Variants in KCNMA1 observed in about 807,000 individuals in gnomAD.
KCNMA1 encodes potassium calcium-activated channel subfamily M alpha 1.
KCNMA1 carries 29 observed loss-of-function variants against 140.0 expected under a neutral mutation model. That is an observed-to-expected ratio of 0.21 (90% confidence interval 0.15 to 0.28). The LOEUF is 0.28. KCNMA1 is among the 10% of genes least tolerant of loss of function. The pLI, the probability that KCNMA1 is intolerant of heterozygous loss-of-function variation, is 1.00. For missense variants in KCNMA1, 880 were observed against 1,602.2 expected (o/e 0.55, Z 7.70); for synonymous variants, 612 against 611.9 (o/e 1.00, Z 0.00).
chr10:77,560,940 G>C (rs1430027412), intron 1 of KCNMA1, among the ~76,000 whole-genome samples: 2 of 152,202 alleles, frequency 1.3e-5, no homozygotes, highest in Admixed American at 6.5e-5. Flanking sequence ...CTTTAGGCAG[G>C]CTTCCTGTCT....
chr10:76,946,244 T>A (rs1192416876), intron 22 of KCNMA1, among the ~76,000 whole-genome samples: 1 of 152,040 alleles, frequency 6.6e-6, no homozygotes, highest in Non-Finnish European at 1.5e-5. Flanking sequence ...ATGCCATAGC[T>A]CCCCAGTGGC....
chr10:77,556,544 T>C (rs1421484488), intron 1 of KCNMA1, among the ~76,000 whole-genome samples: 1 of 146,532 alleles, frequency 6.8e-6, no homozygotes, highest in African/African-American at 2.5e-5. Flanking sequence ...CTATGCCCTG[T>C]AAAGTGCAGT....
chr10:76,928,303 ACACACACG>A (rs1369516754), intron 23 of KCNMA1, among the ~76,000 whole-genome samples: 8 of 75,110 alleles, frequency 1.1e-4, no homozygotes, highest in Non-Finnish European at 2.2e-4. Context: ...ACACACACAC[ACACACACG>A]CACATACACA....
intron 1 of KCNMA1, among the ~76,000 whole-genome samples, chr10:77,519,968 T>A (rs1311760445): frequency 1.3e-5 from 2 of 149,590 alleles, no homozygotes; most frequent in African/African-American, 4.9e-5. Context: ...GTCTGGGGTA[T>A]GCAGTGTGAG....
At chr10:77,393,840 C>A (rs1033847395) in intron 2 of KCNMA1, among the ~76,000 whole-genome samples, 1 of 152,236 alleles carries the variant, frequency 6.6e-6, no homozygotes, top group Admixed American at 6.5e-5. Context: ...CAGGGTTTCT[C>A]ACTCCCAGGC....
intron 1 of KCNMA1, among the ~76,000 whole-genome samples, chr10:77,458,798 G>A (rs1390992056): frequency 6.6e-6 from 1 of 152,158 alleles, no homozygotes; most frequent in Non-Finnish European, 1.5e-5. Flanking sequence ...AACATGGAAG[G>A]CACCAGCCAC....
intron 2 of KCNMA1, among the ~76,000 whole-genome samples, chr10:77,347,819 A>G (rs1566139965): frequency 6.6e-6 from 1 of 152,248 alleles, no homozygotes; most frequent in African/African-American, 2.4e-5. Context: ...AATAATAGCT[A>G]CCATATATAG....
At chr10:77,461,504 C>T (rs2097866026) in intron 1 of KCNMA1, among the ~76,000 whole-genome samples, 1 of 152,174 alleles carries the variant, frequency 6.6e-6, no homozygotes, top group Non-Finnish European at 1.5e-5. Flanking sequence ...ATGGATGTGT[C>T]TTGATTCATG....
chr10:77,634,647 G>A (rs1037329303), intron 1 of KCNMA1: 3 of 985,174 alleles, frequency 3.0e-6, no homozygotes, highest in Non-Finnish European at 3.6e-6. Flanking sequence ...AGAATTTTCT[G>A]GAAAGGCAGC....
intron 19 of KCNMA1, among the ~76,000 whole-genome samples, chr10:76,994,908 A>C (rs2083762282): frequency 6.6e-6 from 1 of 152,212 alleles, no homozygotes; most frequent in Non-Finnish European, 1.5e-5. Flanking sequence ...GGCATGATGG[A>C]AACCACAGGT....
At chr10:77,529,562 A>G (rs1044061995) in intron 1 of KCNMA1, among the ~76,000 whole-genome samples, 8 of 152,008 alleles carry the variant, frequency 5.3e-5, no homozygotes, top group African/African-American at 1.9e-4. Flanking sequence ...TTACTCTTAT[A>G]CCCTTAGAGC....
chr10:76,944,813 C>G lies in KCNMA1; in HGVS notation c.2862G>C (p.Gln954His). The G allele has an allele frequency of 6.2e-7, 1 of 1,614,152 alleles. No homozygotes were observed. The highest frequency in any genetic ancestry group is 8.5e-7 in the Non-Finnish European group (1 of 1,179,992). The change falls in exon 23 of 28, where the codon CAG becomes CAC. Residue 954 changes from glutamine (Q) to histidine (H), a missense_variant. By Grantham distance (24) the Gln-to-His change is conservative. Coordinates refer to ENST00000286628, the MANE Select transcript of KCNMA1 (RefSeq NM_001161352.2). ...ILASLNIKSM[Q>H]FDDSIGVLQA... is the part of the protein sequence containing the mutation. ...GCAAGACTCCGATGCTGTCATCAAA[C>G]TGCATAGATTTGATGTTGAGTGACG...
At chr10:77,099,898 C>A (rs1222532986) in intron 9 of KCNMA1, among the ~76,000 whole-genome samples, 1 of 152,086 alleles carries the variant, frequency 6.6e-6, no homozygotes, top group Non-Finnish European at 1.5e-5. Context: ...TTTAGGTGAA[C>A]AAGGCAATCT....
intron 2 of KCNMA1, among the ~76,000 whole-genome samples, chr10:77,306,037 T>G (rs1305647093): frequency 6.6e-6 from 1 of 152,176 alleles, no homozygotes; most frequent in Non-Finnish European, 1.5e-5. Flanking sequence ...GGGGCTCACT[T>G]CACCCCCAGT....
chr10:77,488,410 C>T lies in KCNMA1; in HGVS notation c.379-84387G>A, dbSNP rs559219257. Among the ~76,000 whole-genome samples the T allele has an allele frequency of 1.1e-4, 17 of 152,268 alleles. No homozygotes were observed. In the South Asian group the frequency reaches 1.4e-3, roughly 13 times the overall value. On this transcript the variant is annotated intron_variant, in intron 1 of 27. Transcript: ENST00000286628. ...CCACCCACCTTGTGCCATTGGCTGC[C>T]GGACCCTGAGCACTGACTGGTTTGG...
chr10:77,505,805 T>C (rs714673), intron 1 of KCNMA1, among the ~76,000 whole-genome samples: 3,830 of 152,194 alleles, frequency 0.025, 86 homozygotes, highest in East Asian at 0.068. Context: ...TGGAGGAAAG[T>C]GAAGTAATTA....
rs60973639 is a variant in KCNMA1, at chr10:77,263,246, T to C, written c.541-11990A>G. Among the ~76,000 whole-genome samples, 596 of 152,306 alleles carry C rather than the reference T, an allele frequency of 3.9e-3. 5 individuals carry two copies. Among genetic ancestry groups the C allele is most frequent in the African/African-American group, 0.014 (578 of 41,572 alleles). On this transcript the variant is annotated intron_variant, in intron 2 of 27. Transcript: ENST00000286628. The stretch of plus-strand genomic sequence containing the variant: ...TTCATTTCCAGAATCTATCCCCATG[T>C]AGCCACAGAGATGTTATGTGTGTCC...
chr10:77,126,424 C>T (rs1031557126), intron 5 of KCNMA1, among the ~76,000 whole-genome samples: 1 of 152,152 alleles, frequency 6.6e-6, no homozygotes, highest in Non-Finnish European at 1.5e-5. Flanking sequence ...ACACAAGTTC[C>T]CTTGCATTTT....
At chr10:77,547,689 G>A (rs762463389) in intron 1 of KCNMA1, among the ~76,000 whole-genome samples, 3 of 152,204 alleles carry the variant, frequency 2.0e-5, no homozygotes, top group Non-Finnish European at 4.4e-5. Flanking sequence ...TTTTGAAGCA[G>A]AGGCTAAGGA....
Sources: gnomAD v4.1 joint callset for allele counts (sites outside exome capture counted in the v4.1 genomes callset) on GRCh38, gnomAD v4.1.1 for gene constraint, MANE v1.5 for transcripts, NCBI Gene and HGNC (gene_info 2026-07-23, HGNC 2026-07-21) for gene names.